Variants in UMAD1 observed in about 807,000 individuals in gnomAD.
UMAD1 encodes UBAP1-MVB12-associated (UMA) domain containing 1.
A neutral mutation model predicts 6.1 loss-of-function variants in UMAD1; 8 were observed. The observed-to-expected ratio is 1.30, with a 90% confidence interval of 0.76 to 2.35. The LOEUF is 2.35. UMAD1 is among the 30% of genes most tolerant of loss of function. The pLI is 0.00. For synonymous variants in UMAD1, 56 were observed against 31.4 expected, an observed-to-expected ratio of 1.78 and a Z score of -2.61; for missense variants, 130 against 78.4, an observed-to-expected ratio of 1.66 and a Z score of -2.49.
intron 1 of UMAD1, among the ~76,000 whole-genome samples, chr7:7,663,248 G>C (rs889558944): frequency 6.8e-6 from 1 of 147,126 alleles, no homozygotes; most frequent in Non-Finnish European, 1.5e-5. Flanking sequence ...GGAACTTGCA[G>C]TTTGAAGCAA....
At chr7:7,742,160 A>G in intron 2 of UMAD1, 1 of 657,776 alleles carries the variant, frequency 1.5e-6, no homozygotes, top group Non-Finnish European at 2.9e-6. Flanking sequence ...CCTTCTCTCC[A>G]TCAGGCCGAA....
At chr7:7,778,113 T>C (rs1406750422) in intron 2 of UMAD1, among the ~76,000 whole-genome samples, 1 of 152,234 alleles carries the variant, frequency 6.6e-6, no homozygotes, top group Non-Finnish European at 1.5e-5. Context: ...GTATGTCTTA[T>C]GCAATATTAG....
chr7:7,692,361 A>T (rs1376306280), intron 2 of UMAD1: 2 of 152,190 alleles, frequency 1.3e-5, no homozygotes, highest in Admixed American at 1.3e-4. Context: ...ACGTGGTAGA[A>T]ATAGGAGGAG....
intron 1 of UMAD1, among the ~76,000 whole-genome samples, chr7:7,666,806 T>G (rs1779470824): frequency 6.6e-6 from 1 of 152,198 alleles, no homozygotes; most frequent in South Asian, 2.1e-4. Context: ...ATGAATTTAT[T>G]TATTTATTTA....
intron 3 of UMAD1, among the ~76,000 whole-genome samples, chr7:7,808,980 A>G (rs534548518): frequency 6.6e-6 from 1 of 152,026 alleles, no homozygotes; most frequent in African/African-American, 2.4e-5. Context: ...ATATTAAGAA[A>G]CTGGCACTAA....
chr7:7,803,793 T>C lies in UMAD1; in HGVS notation c.156+2050T>C, dbSNP rs140681923. Reference sequence around the variant, plus strand: ...CCCCTTATAAGGGCACTAATCCCATTAATGCAGGCTCTCCCCTCCCACCCC... The same window carrying C: ...CCCCTTATAAGGGCACTAATCCCATCAATGCAGGCTCTCCCCTCCCACCCC... On this transcript the variant is annotated intron_variant, in intron 3 of 3. Coordinates refer to ENST00000682710, the MANE Select transcript of UMAD1 (RefSeq NM_001302348.2). Among the ~76,000 whole-genome samples the C allele has an allele frequency of 1.2e-4, 19 of 152,130 alleles. No homozygotes were observed. The East Asian group carries it at 3.7e-3, about 29-fold the overall frequency.
At chr7:7,646,572 A>G (rs1284304364) in intron 1 of UMAD1, among the ~76,000 whole-genome samples, 1 of 143,504 alleles carries the variant, frequency 7.0e-6, no homozygotes, top group Non-Finnish European at 1.5e-5. Flanking sequence ...AGGTCTCCCC[A>G]GCCACGTGGA....
intron 1 of UMAD1, among the ~76,000 whole-genome samples, chr7:7,667,611 A>G (rs1272411084): frequency 1.3e-5 from 2 of 152,224 alleles, no homozygotes; most frequent in African/African-American, 4.8e-5. Context: ...TTATAAAAGT[A>G]TGAAGTAAGT....
rs182966904 is a variant in UMAD1 at position 7,768,037 on chromosome 7, C to G, written c.83-33633C>G. On this transcript the variant is annotated intron_variant, in intron 2 of 3. Transcript: ENST00000682710. ...ACTTTTTTTTCTTATTCATGACTTT[C>G]CTATCTTAGAAAGGCTTCTTTTTAA... Among the ~76,000 whole-genome samples, 32 of 152,030 alleles carry G rather than the reference C, an allele frequency of 2.1e-4. 1 individual carries two copies. Among genetic ancestry groups the G allele is most frequent in the Admixed American group, 7.9e-4 (12 of 15,264 alleles).
intron 2 of UMAD1, among the ~76,000 whole-genome samples, chr7:7,785,636 C>T (rs1408093496): frequency 2.0e-5 from 3 of 152,186 alleles, no homozygotes; most frequent in Non-Finnish European, 4.4e-5. Context: ...TGCGTGGCCG[C>T]TTGTGGAAAT....
intron 1 of UMAD1, among the ~76,000 whole-genome samples, chr7:7,662,590 C>G (rs1785503183): frequency 6.6e-6 from 1 of 152,136 alleles, no homozygotes; most frequent in South Asian, 2.1e-4. Flanking sequence ...CCCCTTATGC[C>G]TCCTGGGTGA....
At position 7,818,354 on chromosome 7, in the gene UMAD1, G is replaced by A. The variant is rs576035430; in HGVS notation, c.156+16611G>A. Among the ~76,000 whole-genome samples the A allele has an allele frequency of 8.7e-4, 132 of 152,152 alleles. 3 individuals carry two copies. The South Asian group carries it at 0.026, about 30-fold the overall frequency. ...CTACATAGTATTCCATGGTTTATGT[G>A]TACCACGTGAACAGACACTTTGCAA... On this transcript the variant is annotated intron_variant, in intron 3 of 3. Coordinates refer to ENST00000682710, the MANE Select transcript of UMAD1 (RefSeq NM_001302348.2).
intron 2 of UMAD1, among the ~76,000 whole-genome samples, chr7:7,709,374 C>G (rs1047585126): frequency 2.0e-5 from 3 of 152,202 alleles, no homozygotes; most frequent in African/African-American, 7.2e-5. Flanking sequence ...TGTCCTCACA[C>G]CATCTCTTAA....
chr7:7,741,890 T>G (rs1178775901), intron 2 of UMAD1: 1 of 206,018 alleles, frequency 4.9e-6, no homozygotes, highest in Non-Finnish European at 9.9e-6. Flanking sequence ...AAGTCATTTT[T>G]TACTACTAAA....
chr7:7,829,135 A>G (rs1197349027), intron 3 of UMAD1, among the ~76,000 whole-genome samples: 2 of 152,202 alleles, frequency 1.3e-5, no homozygotes, highest in African/African-American at 2.4e-5. Flanking sequence ...TGGCATTAAT[A>G]AGGACTTGGC....
chr7:7,719,362 A>G (rs1780996083), intron 2 of UMAD1, among the ~76,000 whole-genome samples: 3 of 152,230 alleles, frequency 2.0e-5, no homozygotes, highest in Non-Finnish European at 2.9e-5. Flanking sequence ...CTGCACTTGT[A>G]TCGCAGCAAC....
At chr7:7,804,572 C>G (rs2115277395) in intron 3 of UMAD1, among the ~76,000 whole-genome samples, 1 of 152,350 alleles carries the variant, frequency 6.6e-6, no homozygotes, top group South Asian at 2.1e-4. Context: ...ACTCAGGAGG[C>G]TGAGGCAGGA....
At chr7:7,692,748 T>C (rs1178366762) in intron 2 of UMAD1, among the ~76,000 whole-genome samples, 1 of 152,128 alleles carries the variant, frequency 6.6e-6, no homozygotes. Flanking sequence ...TAGTTGGGAC[T>C]ACAGGCCTGC....
chr7:7,658,641 T>G (rs965055608), intron 1 of UMAD1, among the ~76,000 whole-genome samples: 1 of 152,230 alleles, frequency 6.6e-6, no homozygotes, highest in Non-Finnish European at 1.5e-5. Flanking sequence ...TGAACCAGCC[T>G]TGCATCCCAT....
Sources: gnomAD v4.1 joint callset for allele counts (sites outside exome capture counted in the v4.1 genomes callset) on GRCh38, gnomAD v4.1.1 for gene constraint, MANE v1.5 for transcripts, NCBI Gene and HGNC (gene_info 2026-07-23, HGNC 2026-07-21) for gene names.